Variants in BICDL1 observed in about 807,000 individuals in gnomAD.
BICDL1 encodes the protein BICD family like cargo adaptor 1, also known as BICD family-like cargo adapter 1.
A neutral mutation model predicts 76.8 loss-of-function variants in BICDL1; 20 were observed. The ratio of observed to expected loss-of-function variants is 0.26; its 90% CI spans 0.18 to 0.38. BICDL1 has a LOEUF of 0.38. BICDL1 is among the 10% of genes least tolerant of loss of function. The pLI, the probability that BICDL1 is intolerant of heterozygous loss-of-function variation, is 1.00. For missense variants in BICDL1, 700 were observed against 798.6 expected (o/e 0.88, Z 1.49); for synonymous variants, 383 against 337.1 (o/e 1.14, Z -1.49).
chr12:120,024,951 C>G (rs1952259527), intron 2 of BICDL1, among the ~76,000 whole-genome samples: 1 of 151,532 alleles, frequency 6.6e-6, no homozygotes, highest in Non-Finnish European at 1.5e-5. Context: ...ATACTGGGAT[C>G]ACAGGCACGA....
intron 7 of BICDL1, among the ~76,000 whole-genome samples, chr12:120,077,976 G>T (rs943788651): frequency 5.9e-5 from 9 of 152,104 alleles, no homozygotes; most frequent in Non-Finnish European, 1.0e-4. Context: ...TTTCCCTCTT[G>T]CCCCCTTTGC....
At chr12:120,062,978 C>T (rs941612915) in intron 3 of BICDL1, among the ~76,000 whole-genome samples, 4 of 152,154 alleles carry the variant, frequency 2.6e-5, no homozygotes, top group Non-Finnish European at 5.9e-5. Context: ...GGGTGTATAG[C>T]GCTGGGTGAG....
chr12:120,046,263 C>T (rs1952748637), intron 2 of BICDL1, among the ~76,000 whole-genome samples: 2 of 152,156 alleles, frequency 1.3e-5, no homozygotes, highest in Non-Finnish European at 2.9e-5. Flanking sequence ...TTTTCTTAAG[C>T]TCTGTCTTCA....
intron 2 of BICDL1, among the ~76,000 whole-genome samples, chr12:120,046,184 A>C (rs1299146066): frequency 1.3e-5 from 2 of 152,180 alleles, no homozygotes; most frequent in Non-Finnish European, 2.9e-5. Context: ...GCAAGTGCCT[A>C]AATTCCCTAC....
At chr12:120,017,713 C>G (rs1008774118) in intron 2 of BICDL1, among the ~76,000 whole-genome samples, 5 of 151,626 alleles carry the variant, frequency 3.3e-5, no homozygotes, top group African/African-American at 1.2e-4. Flanking sequence ...GCCTGGGTGA[C>G]ACAGTGAGAC....
rs1007496446 is a variant in BICDL1, at chr12:119,999,895, C to T, written c.645+1159C>T. The T allele has an allele frequency of 1.7e-5, 6 of 351,858 alleles. No individual in the cohort carries two copies. In the Admixed American group the frequency reaches 2.1e-4, roughly 12 times the overall value. The allele number at this position is 351,858 out of a possible 1,614,324, so 21.8% of individuals were successfully genotyped here. ...CTCAGCACTGATGTTCTCATGGGAG[C>T]AGTGCCGTGTCTGCATGGTTAGTGT... On this transcript the variant is annotated intron_variant, in intron 2 of 9. Coordinates refer to ENST00000548673, the MANE Select transcript of BICDL1 (RefSeq NM_001367886.1).
chr12:119,996,571 T>C (rs1951649737), intron 1 of BICDL1, among the ~76,000 whole-genome samples: 1 of 150,926 alleles, frequency 6.6e-6, no homozygotes, highest in South Asian at 2.1e-4. Flanking sequence ...CTGAGTAGTC[T>C]GAAAGAGAAG....
chr12:120,069,864 C>T (rs987047283), intron 4 of BICDL1, among the ~76,000 whole-genome samples: 4 of 152,188 alleles, frequency 2.6e-5, no homozygotes, highest in Non-Finnish European at 5.9e-5. Flanking sequence ...TCTACTCCAA[C>T]GTTTTTCTAC....
At chr12:120,028,371 C>A (rs1233363312) in intron 2 of BICDL1, among the ~76,000 whole-genome samples, 1 of 148,946 alleles carries the variant, frequency 6.7e-6, no homozygotes, top group African/African-American at 2.5e-5. Flanking sequence ...GAATTGGTTT[C>A]CAAAAAAAAA....
At chr12:120,074,694 CCTT>C in intron 7 of BICDL1, 108 bp downstream of exon 7, 1 of 872,120 alleles carries the variant, frequency 1.1e-6, no homozygotes, top group East Asian at 1.1e-4. Flanking sequence ...AAGTGGCTCT[CCTT>C]CATCAGATCA....
intron 2 of BICDL1, among the ~76,000 whole-genome samples, chr12:120,018,709 A>G (rs975491971): frequency 2.0e-5 from 3 of 151,502 alleles, no homozygotes; most frequent in African/African-American, 7.3e-5. Flanking sequence ...AAAAAATCAT[A>G]CTATATACCT....
At chr12:120,084,442 G>T (rs1874239332) in intron 8 of BICDL1, among the ~76,000 whole-genome samples, 1 of 152,178 alleles carries the variant, frequency 6.6e-6, no homozygotes, top group Non-Finnish European at 1.5e-5. Flanking sequence ...CAAGTCTTCT[G>T]ATTCCCGTCT....
At chr12:120,060,116 T>C (rs1005053583) in intron 2 of BICDL1, among the ~76,000 whole-genome samples, 1 of 152,222 alleles carries the variant, frequency 6.6e-6, no homozygotes, top group Non-Finnish European at 1.5e-5. Context: ...ACAATCAAGA[T>C]AATGCATTGG....
intron 7 of BICDL1, among the ~76,000 whole-genome samples, chr12:120,077,316 C>T (rs1873626187): frequency 6.6e-6 from 1 of 152,200 alleles, no homozygotes; most frequent in Non-Finnish European, 1.5e-5. Flanking sequence ...AAAGTCCTTC[C>T]TGTGGTGGTG....
intron 4 of BICDL1, among the ~76,000 whole-genome samples, chr12:120,070,112 C>T (rs1872973329): frequency 6.6e-6 from 1 of 152,160 alleles, no homozygotes; most frequent in South Asian, 2.1e-4. Context: ...GTCTGTTGTA[C>T]ACATTTCATT....
chr12:120,041,112 T>A (rs767591916), intron 2 of BICDL1, among the ~76,000 whole-genome samples: 2 of 152,222 alleles, frequency 1.3e-5, no homozygotes, highest in Non-Finnish European at 2.9e-5. Flanking sequence ...AGCATTATGT[T>A]TGAATTCTTG....
At chr12:120,062,412 T>C (rs1953125467) in intron 3 of BICDL1, among the ~76,000 whole-genome samples, 2 of 152,030 alleles carry the variant, frequency 1.3e-5, no homozygotes, top group Non-Finnish European at 1.5e-5. Flanking sequence ...AAGGATCTTA[T>C]CACCAGCCCA....
intron 2 of BICDL1, among the ~76,000 whole-genome samples, chr12:120,003,171 A>AG (rs1951790587): frequency 6.6e-6 from 1 of 151,586 alleles, no homozygotes; most frequent in Non-Finnish European, 1.5e-5. Flanking sequence ...AAAAAAAAAA[A>AG]AAAAACAGTC....
At position 120,072,594 on chromosome 12, in the gene BICDL1, C is replaced by A; in HGVS notation, c.1173C>A (p.Ala391=). 1.2e-6 allele frequency: 2 copies of A among 1,614,210 alleles called. No homozygotes were observed. Among genetic ancestry groups the A allele is most frequent in the Middle Eastern group, 3.3e-4 (2 of 6,062 alleles). Residue 391 remains alanine, a synonymous_variant, in exon 6 of 10, where the codon GCC becomes GCA. Transcript: ENST00000548673. ...HLRGNDSADS[A]VSTDSSMDES... The stretch of plus-strand genomic sequence containing the variant: ...GAGGCAATGACAGTGCTGACTCAGC[C>A]GTCTCCACGGACTCCTCCATGGACG...
Sources: allele counts gnomAD v4.1 joint callset (sites outside exome capture counted in the v4.1 genomes callset), GRCh38; gene constraint gnomAD v4.1.1; transcripts MANE v1.5; gene names NCBI Gene and HGNC (gene_info 2026-07-23, HGNC 2026-07-21).